Variants in GALNT7 observed in about 807,000 individuals in gnomAD.
The protein encoded by GALNT7 is polypeptide N-acetylgalactosaminyltransferase 7.
In GALNT7, 60 loss-of-function variants were observed where a neutral mutation model predicts 82.1. The ratio of observed to expected loss-of-function variants is 0.73; its 90% CI spans 0.59 to 0.91. The LOEUF is 0.91. GALNT7 is among the 40% of genes least tolerant of loss of function. The pLI is 0.00. For synonymous variants in GALNT7, 243 were observed against 275.1 expected, an observed-to-expected ratio of 0.88 and a Z score of 1.15; for missense variants, 660 against 804.2, an observed-to-expected ratio of 0.82 and a Z score of 2.17.
chr4:173,178,052 T>TGTGTGTGTGTGTGCGCGCGCGCGC (rs563102408), intron 1 of GALNT7, among the ~76,000 whole-genome samples: 29 of 129,510 alleles, frequency 2.2e-4, no homozygotes, highest in African/African-American at 8.2e-4. Context: ...TGTGTGTGTG[T>TGTGTGTGTGTGTGCGCGCGCGCGC]GCGCGCACGC....
intron 1 of GALNT7, among the ~76,000 whole-genome samples, chr4:173,176,449 A>G (rs1197747282): frequency 6.6e-6 from 1 of 152,212 alleles, no homozygotes; most frequent in African/African-American, 2.4e-5. Flanking sequence ...TCACTCTCAG[A>G]AGTGTCCTGG....
chr4:173,312,927 C>T (rs772706755), intron 8 of GALNT7, among the ~76,000 whole-genome samples: 21 of 152,072 alleles, frequency 1.4e-4, no homozygotes, highest in Non-Finnish European at 2.9e-4. Context: ...GGTGTGGTGG[C>T]GGGCACCTGT....
intron 8 of GALNT7, among the ~76,000 whole-genome samples, chr4:173,304,594 G>A (rs956903990): frequency 1.3e-5 from 2 of 151,906 alleles, no homozygotes; most frequent in Non-Finnish European, 2.9e-5. Context: ...TTTCATATAT[G>A]TAATATATTA....
intron 1 of GALNT7, among the ~76,000 whole-genome samples, chr4:173,170,187 A>G (rs1350130400): frequency 6.6e-6 from 1 of 152,118 alleles, no homozygotes; most frequent in East Asian, 1.9e-4. Context: ...GGGACAGCCA[A>G]CTGGGCCGGC....
chr4:173,301,732 T>G (rs1736944818), intron 6 of GALNT7, among the ~76,000 whole-genome samples: 1 of 152,176 alleles, frequency 6.6e-6, no homozygotes, highest in African/African-American at 2.4e-5. Flanking sequence ...AAAGAGAAAA[T>G]TCTATTTTAA....
At chr4:173,197,351 A>T (rs1050100755) in intron 1 of GALNT7, among the ~76,000 whole-genome samples, 2 of 151,758 alleles carry the variant, frequency 1.3e-5, no homozygotes, top group African/African-American at 4.9e-5. Context: ...AAGAAATTTC[A>T]TGTATATGAA....
chr4:173,315,988 C>A (rs1415361483), intron 9 of GALNT7: 1 of 152,286 alleles, frequency 6.6e-6, no homozygotes, highest in Non-Finnish European at 1.5e-5. Flanking sequence ...TCATCTCTCA[C>A]TGAGACTAAC....
chr4:173,206,274 G>A (rs548564605), intron 1 of GALNT7, among the ~76,000 whole-genome samples: 5 of 152,336 alleles, frequency 3.3e-5, no homozygotes, highest in Middle Eastern at 3.4e-3. Flanking sequence ...GGTTGGGAGT[G>A]GGGTGATGCA....
At chr4:173,283,514 C>T (rs1449004367) in intron 2 of GALNT7, among the ~76,000 whole-genome samples, 2 of 152,044 alleles carry the variant, frequency 1.3e-5, no homozygotes, top group African/African-American at 4.8e-5. Flanking sequence ...GTGGCAGGCA[C>T]CCATAATCCC....
At chr4:173,265,096 C>G (rs1283812175) in intron 2 of GALNT7, among the ~76,000 whole-genome samples, 2 of 152,250 alleles carry the variant, frequency 1.3e-5, no homozygotes, top group Non-Finnish European at 2.9e-5. Flanking sequence ...AGGAGAGCAT[C>G]AGACGCAGCC....
At chr4:173,296,238 A>G (rs999530569) in intron 5 of GALNT7, among the ~76,000 whole-genome samples, 1 of 152,220 alleles carries the variant, frequency 6.6e-6, no homozygotes, top group Non-Finnish European at 1.5e-5. Context: ...TACTTTCAAT[A>G]GTAAAGACCA....
intron 7 of GALNT7, among the ~76,000 whole-genome samples, chr4:173,303,380 T>A (rs1468272588): frequency 6.6e-6 from 1 of 152,114 alleles, no homozygotes; most frequent in Non-Finnish European, 1.5e-5. Flanking sequence ...GAGCAAACTT[T>A]GGCAGAATCA....
chr4:173,293,205 A>G (rs1736603205), intron 3 of GALNT7, among the ~76,000 whole-genome samples: 1 of 152,190 alleles, frequency 6.6e-6, no homozygotes. Flanking sequence ...GGTATTTAGC[A>G]TCCTAAAATA....
chr4:173,283,544 G>A (rs1439735626), intron 2 of GALNT7, among the ~76,000 whole-genome samples: 1 of 151,690 alleles, frequency 6.6e-6, no homozygotes, highest in Non-Finnish European at 1.5e-5. Flanking sequence ...GGAGGCTGAA[G>A]CAGGAGAATC....
At chr4:173,199,559 TC>T (rs1404197480) in intron 1 of GALNT7, among the ~76,000 whole-genome samples, 3 of 152,202 alleles carry the variant, frequency 2.0e-5, no homozygotes, top group African/African-American at 7.2e-5. Flanking sequence ...GCCTGAGTCT[TC>T]ATGCCCTCCT....
intron 1 of GALNT7, among the ~76,000 whole-genome samples, chr4:173,210,075 A>G (rs1733224946): frequency 6.6e-6 from 1 of 152,136 alleles, no homozygotes; most frequent in Non-Finnish European, 1.5e-5. Context: ...CCGAGGTTGC[A>G]GTGACCTGAG....
chr4:173,202,260 C>G (rs1732965140), intron 1 of GALNT7, among the ~76,000 whole-genome samples: 1 of 152,180 alleles, frequency 6.6e-6, no homozygotes, highest in Admixed American at 6.5e-5. Flanking sequence ...GAAGTTCACT[C>G]AGATATCAAG....
chr4:173,298,279 C>T lies in GALNT7; in HGVS notation c.1130C>T (p.Thr377Ile), dbSNP rs1561195169. The T allele has an allele frequency of 6.4e-7, 1 of 1,571,168 alleles. No individual in the cohort carries two copies. Among genetic ancestry groups the T allele is most frequent in the Non-Finnish European group, 8.6e-7 (1 of 1,165,080 alleles). Residue 377 changes from threonine (T) to isoleucine (I), a missense_variant, in exon 6 of 12, where the codon ACA becomes ATA. Transcript: ENST00000265000. ...CCTCAAGAGAAGAGACTGAGAAAGA[C>T]AAAAACTGAACCGTATCGGTAATCA... ...LTPQEKRLRK[T>I]KTEPYRSPAM...
At chr4:173,195,489 ATCT>A (rs1173519624) in intron 1 of GALNT7, among the ~76,000 whole-genome samples, 3 of 152,172 alleles carry the variant, frequency 2.0e-5, no homozygotes, top group Non-Finnish European at 4.4e-5. Context: ...TTTCTCTAGG[ATCT>A]TAGGGTCATG....
Sources: allele counts gnomAD v4.1 joint callset (sites outside exome capture counted in the v4.1 genomes callset), GRCh38; gene constraint gnomAD v4.1.1; transcripts MANE v1.5; gene names NCBI Gene and HGNC (gene_info 2026-07-23, HGNC 2026-07-21).